Variants in CREBZF observed in about 807,000 individuals in gnomAD.
CREBZF encodes the protein HCF-binding transcription factor Zhangfei.
CREBZF carries 8 observed loss-of-function variants against 21.1 expected under a neutral mutation model. That is an observed-to-expected ratio of 0.38 (90% CI 0.22 to 0.68). The LOEUF (loss-of-function observed/expected upper bound fraction) is 0.68. Among genes scored for constraint, CREBZF ranks in the 30% least tolerant of loss-of-function variants. The probability of loss-of-function intolerance (pLI) is 0.51; values close to 1 mark genes in which losing one functional copy is unlikely to be tolerated. For missense variants in CREBZF, 518 were observed against 484.3 expected (o/e 1.07, Z -0.65); for synonymous variants, 270 against 223.3 (o/e 1.21, Z -1.86).
rs529891055 is a variant in CREBZF, at chr11:85,662,125, A to T, written c.*1686T>A. The T allele has an allele frequency of 2.4e-6, 1 of 411,440 alleles. No homozygotes were observed. Among genetic ancestry groups the T allele is most frequent in the African/African-American group, 2.0e-5 (1 of 49,946 alleles). 25.5% of individuals were successfully genotyped at this position (411,440 alleles called of 1,614,324 possible). ...CATTCATGCTCAAGTGCAGTAGTAG[A>T]TGATTTTACAAAATATGCTGTGATG... is the stretch of plus-strand genomic sequence containing the variant. On this transcript the variant is annotated 3_prime_UTR_variant, in exon 1 of 1. Coordinates refer to ENST00000527447, the MANE Select transcript of CREBZF (RefSeq NM_001039618.4).
Position 85,663,663 on chromosome 11 carries a change from T to C in CREBZF, c.*148A>G. On this transcript the variant is annotated 3_prime_UTR_variant, in exon 1 of 1. Transcript: ENST00000527447. Reference sequence around the variant, plus strand: ...GGAGTTGGTTACTGTGTCACATTCATGCTTTTAGCTAAACACTTTAAGATT... The same window carrying C: ...GGAGTTGGTTACTGTGTCACATTCACGCTTTTAGCTAAACACTTTAAGATT... 1.7e-5 allele frequency: 27 copies of C among 1,606,888 alleles called. No homozygotes were observed. The highest frequency in any genetic ancestry group is 2.2e-5 in the South Asian group (2 of 90,576).
At chr11:85,679,535 C>T (rs1403500396) in intron 1 of CREBZF, among the ~76,000 whole-genome samples, 2 of 152,140 alleles carry the variant, frequency 1.3e-5, no homozygotes, top group Non-Finnish European at 2.9e-5. Context: ...GTTGGTATGT[C>T]AGCATAAAAA....
chr11:85,682,148 T>G (rs1342779159), intron 1 of CREBZF, among the ~76,000 whole-genome samples: 6 of 152,170 alleles, frequency 3.9e-5, no homozygotes, highest in Admixed American at 2.0e-4. Flanking sequence ...CCCAGGGCCT[T>G]AGGTTCAAAA....
intron 1 of CREBZF, among the ~76,000 whole-genome samples, chr11:85,674,497 C>G (rs1198013991): frequency 1.3e-5 from 2 of 152,140 alleles, no homozygotes; most frequent in African/African-American, 4.8e-5. Context: ...GTAGATTTAG[C>G]ATAATTCTTG....
upstream of CREBZF, among the ~76,000 whole-genome samples, chr11:85,667,458 C>T (rs80283152): frequency 0.019 from 2,918 of 152,314 alleles, 55 homozygotes; most frequent in Admixed American, 0.035. Context: ...TTTCACTTCC[C>T]TAACTCATTT....
chr11:85,659,110 C>A lies in CREBZF; in HGVS notation c.*4701G>T, dbSNP rs951899093. 2.5e-4 allele frequency among the ~76,000 whole-genome samples: 38 copies of A among 151,912 alleles called. No individual in the cohort carries two copies. The highest frequency in any genetic ancestry group is 9.8e-4 in the Admixed American group (15 of 15,242). On this transcript the variant is annotated 3_prime_UTR_variant, in exon 1 of 1. Transcript: ENST00000527447. Reference sequence around the variant, plus strand: ...CTTAGGTGGTAAGTAAATAAAAAAACAGCTCAGAAAAACAGCAAAAATATT... The same window carrying A: ...CTTAGGTGGTAAGTAAATAAAAAAAAAGCTCAGAAAAACAGCAAAAATATT...
chr11:85,663,882 C>G lies in CREBZF; in HGVS notation c.994G>C (p.Asp332His), dbSNP rs760138722. Reference sequence around the variant, plus strand: ...AACTCCACCGACACCTTATCCTTGTCCACATGGAGACAGACTCCTCCCGCC... The same window carrying G: ...AACTCCACCGACACCTTATCCTTGTGCACATGGAGACAGACTCCTCCCGCC... ...DSAGGVCLHV[D>H]KDKVSVEFCS... Residue 332 changes from aspartate to histidine, a missense_variant, in exon 1 of 1, where the codon GAC (aspartate) becomes CAC (histidine). Physicochemically the swap from Asp to His is moderately conservative, Grantham distance 81 (BLOSUM62 -1). This residue lies in a region of CREBZF where 114 missense variants were observed against 134.1 expected (regional missense o/e 0.85). Coordinates refer to ENST00000527447, the MANE Select transcript of CREBZF (RefSeq NM_001039618.4). 1 of 1,612,458 alleles carries G rather than the reference C, an allele frequency of 6.2e-7. No individual in the cohort carries two copies. Among genetic ancestry groups the G allele is most frequent in the Admixed American group, 1.7e-5 (1 of 60,014 alleles).
intron 1 of CREBZF, among the ~76,000 whole-genome samples, chr11:85,678,378 A>G (rs992759893): frequency 6.6e-6 from 1 of 151,932 alleles, no homozygotes; most frequent in Admixed American, 6.6e-5. Context: ...TTTTTTTTTA[A>G]CAGAAAAACT....
At chr11:85,682,640 C>G in intron 1 of CREBZF, 1 of 514,812 alleles carries the variant, frequency 1.9e-6, no homozygotes, top group Non-Finnish European at 3.5e-6. Flanking sequence ...GCGCTCTTCC[C>G]CCATATAACG....
At chr11:85,670,106 C>G (rs1377942829), upstream of CREBZF, among the ~76,000 whole-genome samples, 4 of 152,114 alleles carry the variant, frequency 2.6e-5, no homozygotes, top group South Asian at 4.2e-4. Context: ...CGTGCCTGGA[C>G]TAATTACATG....
chr11:85,682,066 AAAAT>A (rs922833238), intron 1 of CREBZF, among the ~76,000 whole-genome samples: 88 of 152,358 alleles, frequency 5.8e-4, no homozygotes, highest in African/African-American at 2.0e-3. Context: ...CGCTTGTTAA[AAAAT>A]AAATAAGAAT....
In CREBZF at chr11:85,659,859, A is replaced by T. The variant is rs1390076822; in HGVS notation, c.*3952T>A. On this transcript the variant is annotated 3_prime_UTR_variant, in exon 1 of 1. Coordinates refer to ENST00000527447, the MANE Select transcript of CREBZF (RefSeq NM_001039618.4). Reference sequence around the variant, plus strand: ...TATATAAAACAGTAGAAACTAGCATACCATTAATTAGAAACCTCAAAATAT... The same window carrying T: ...TATATAAAACAGTAGAAACTAGCATTCCATTAATTAGAAACCTCAAAATAT... 1 of 152,106 alleles carries T rather than the reference A, an allele frequency of 6.6e-6. No individual in the cohort carries two copies. The allele number at this position is 152,106 out of a possible 1,614,324, so 9.4% of individuals were successfully genotyped here. A position where few individuals can be genotyped will look rare whatever the true frequency, so the allele number is the denominator to read the frequency against.
In CREBZF at chr11:85,664,752, C is replaced by G. The variant is rs557787380; in HGVS notation, c.124G>C (p.Glu42Gln). Residue 42 changes from glutamate to glutamine, a missense_variant, in exon 1 of 1, where the codon GAG becomes CAG. Transcript: ENST00000527447. The surrounding 1 kb of genome is among the most constrained non-coding windows in gnomAD (Gnocchi z 5.5). ...GATCCGGCCGCCGCCGTCTCCTCCTCCCCCGCTGCAGCCCGGGTCAGGTCA... is the reference window on the plus strand; with the variant it reads ...GATCCGGCCGCCGCCGTCTCCTCCTGCCCCGCTGCAGCCCGGGTCAGGTCA... ...PSDLTRAAAGEEETAAAGSPG... is the reference protein window; with the variant it reads ...PSDLTRAAAGQEETAAAGSPG... 43 of 1,608,340 alleles carry G rather than the reference C, an allele frequency of 2.7e-5. No individual in the cohort carries two copies. Among genetic ancestry groups the G allele is most frequent in the Non-Finnish European group, 3.6e-5 (43 of 1,178,556 alleles).
In CREBZF at chr11:85,663,503, C is replaced by T; in HGVS notation, c.*308G>A. On this transcript the variant is annotated 3_prime_UTR_variant, in exon 1 of 1. Transcript: ENST00000527447. ...ACAAAGCAGCAGAGCATGAGCGTTA[C>T]GGGAAGAGATGGATCCTTACCAGGT... 1.1e-6 allele frequency: 1 copy of T among 883,950 alleles called. No individual in the cohort carries two copies. Among genetic ancestry groups the T allele is most frequent in the Non-Finnish European group, 1.9e-6 (1 of 538,120 alleles). The allele number at this position is 883,950 out of a possible 1,614,324, so 54.8% of individuals were successfully genotyped here.
At chr11:85,681,065 A>C (rs1439819565) in intron 1 of CREBZF, among the ~76,000 whole-genome samples, 2 of 152,224 alleles carry the variant, frequency 1.3e-5, no homozygotes, top group East Asian at 3.9e-4. Flanking sequence ...AGGTATTTGC[A>C]TATGACCCAA....
chr11:85,666,480 AAAG>A (rs1361962001), upstream of CREBZF, among the ~76,000 whole-genome samples: 1 of 152,250 alleles, frequency 6.6e-6, no homozygotes, highest in Non-Finnish European at 1.5e-5. Flanking sequence ...CCAAACAAAA[AAAG>A]AGAAATGAAT....
chr11:85,682,685 C>T, intron 1 of CREBZF: 2 of 638,130 alleles, frequency 3.1e-6, no homozygotes, highest in South Asian at 3.4e-5. Context: ...TTGTAGACCA[C>T]ACTCCAGTAC....
rs1192702418 is a variant in CREBZF at position 85,663,514 on chromosome 11, G to A, written c.*297C>T. 5.1e-6 allele frequency: 5 copies of A among 971,498 alleles called. No individual in the cohort carries two copies. The highest frequency in any genetic ancestry group is 1.6e-5 in the African/African-American group (1 of 61,712). The allele number at this position is 971,498 out of a possible 1,614,324, so 60.2% of individuals were successfully genotyped here. ...GAGCATGAGCGTTACGGGAAGAGAT[G>A]GATCCTTACCAGGTTGTGAGGCGGG... On this transcript the variant is annotated 3_prime_UTR_variant, in exon 1 of 1. Coordinates refer to ENST00000527447, the MANE Select transcript of CREBZF (RefSeq NM_001039618.4).
chr11:85,662,166 A>C lies in CREBZF; in HGVS notation c.*1645T>G. On this transcript the variant is annotated 3_prime_UTR_variant, in exon 1 of 1. Coordinates refer to ENST00000527447, the MANE Select transcript of CREBZF (RefSeq NM_001039618.4). ...TGCTGTGATGCACTGGAAACCAAAG[A>C]CCAATTCAGGTCTCAAATCGTATTA... 2.0e-6 allele frequency: 1 copy of C among 503,938 alleles called. No homozygotes were observed. The highest frequency in any genetic ancestry group is 3.7e-6 in the Non-Finnish European group (1 of 268,502). The allele number at this position is 503,938 out of a possible 1,614,324, so 31.2% of individuals were successfully genotyped here.
Sources: allele counts gnomAD v4.1 joint callset (sites outside exome capture counted in the v4.1 genomes callset), GRCh38; gene constraint gnomAD v4.1.1; regional missense constraint gnomAD v4.1.1; non-coding constraint Gnocchi (gnomAD v3.1); transcripts MANE v1.5; gene names NCBI Gene and HGNC (gene_info 2026-07-23, HGNC 2026-07-21).